BTBD9: variants seen among roughly 807,000 people sequenced by gnomAD.
BTBD9 encodes the protein BTB/POZ domain-containing protein 9.
Under a neutral mutation model 64.3 loss-of-function variants are expected in BTBD9, and 49 were observed. The observed-to-expected ratio is 0.76, with a 90% CI of 0.61 to 0.97. The LOEUF is 0.97. Ranked by LOEUF, BTBD9 falls within the 50% of genes least tolerant of loss-of-function variation. The probability of loss-of-function intolerance (pLI) is 0.00; values close to 1 mark genes in which losing one functional copy is unlikely to be tolerated. For missense variants in BTBD9, 598 were observed against 762.1 expected, an observed-to-expected ratio of 0.78 and a Z score of 2.53; for synonymous variants, 260 against 274.7, an observed-to-expected ratio of 0.95 and a Z score of 0.53.
At chr6:38,544,643 T>G (rs1774444596) in intron 6 of BTBD9, among the ~76,000 whole-genome samples, 1 of 151,688 alleles carries the variant, frequency 6.6e-6, no homozygotes, top group Non-Finnish European at 1.5e-5. Flanking sequence ...GATGAGGGTG[T>G]GGGCCAGGCT....
intron 6 of BTBD9, among the ~76,000 whole-genome samples, chr6:38,378,552 A>G (rs185347317): frequency 6.6e-6 from 1 of 151,278 alleles, no homozygotes; most frequent in African/African-American, 2.4e-5. Flanking sequence ...AAACACTTAA[A>G]CTTAAATTCT....
At chr6:38,615,774 A>G (rs568135090) in intron 1 of BTBD9, among the ~76,000 whole-genome samples, 1 of 152,326 alleles carries the variant, frequency 6.6e-6, no homozygotes, top group Non-Finnish European at 1.5e-5. Context: ...TGCCTAGAAA[A>G]GTACCTGGCA....
At chr6:38,454,414 G>GT (rs1769695796) in intron 6 of BTBD9, among the ~76,000 whole-genome samples, 1 of 151,164 alleles carries the variant, frequency 6.6e-6, no homozygotes, top group Admixed American at 6.6e-5. Context: ...TTTCACAGTG[G>GT]TTTTTAAGAA....
chr6:38,399,183 G>T (rs1055848534), intron 6 of BTBD9, among the ~76,000 whole-genome samples: 11 of 152,056 alleles, frequency 7.2e-5, no homozygotes, highest in Non-Finnish European at 4.4e-5. Flanking sequence ...GCTTTTCAAT[G>T]GACTACATCT....
At chr6:38,377,987 A>C (rs9349076) in intron 6 of BTBD9, among the ~76,000 whole-genome samples, 7 of 151,914 alleles carry the variant, frequency 4.6e-5, no homozygotes, top group Non-Finnish European at 1.0e-4. Flanking sequence ...ATCCTGCTCT[A>C]CTCACCCTTC....
intron 6 of BTBD9, among the ~76,000 whole-genome samples, chr6:38,505,096 C>T (rs1357765447): frequency 1.3e-5 from 2 of 152,182 alleles, no homozygotes; most frequent in East Asian, 3.8e-4. Flanking sequence ...TTCCTCCTCC[C>T]TCATAAGCTG....
In BTBD9 at chr6:38,170,893, G is replaced by A. The variant is rs898780854; in HGVS notation, c.*4092C>T. On this transcript the variant is annotated 3_prime_UTR_variant, in exon 11 of 11. Coordinates refer to ENST00000481247, the MANE Select transcript of BTBD9 (RefSeq NM_001099272.2). ...GCCCTGCCCGGGCCGTGCCCGACCT[G>A]GGCATCGCTCGGAGGAGCTGGTCAC... 2 of 152,238 alleles carry A rather than the reference G, an allele frequency of 1.3e-5. No individual in the cohort carries two copies. The highest frequency in any genetic ancestry group is 4.8e-5 in the African/African-American group (2 of 41,458). The allele number at this position is 152,238 out of a possible 1,614,324, so 9.4% of individuals were successfully genotyped here. A position where few individuals can be genotyped will look rare whatever the true frequency, so the allele number is the denominator to read the frequency against.
chr6:38,466,720 C>T (rs561951806), intron 6 of BTBD9, among the ~76,000 whole-genome samples: 2 of 152,042 alleles, frequency 1.3e-5, no homozygotes, highest in South Asian at 2.1e-4. Context: ...TGGGGTTACA[C>T]GTGCCCACCA....
intron 1 of BTBD9, among the ~76,000 whole-genome samples, chr6:38,607,156 G>A (rs563530962): frequency 8.5e-5 from 13 of 152,228 alleles, no homozygotes; most frequent in Non-Finnish European, 1.9e-4. Context: ...GAACTGCAAT[G>A]TACAATCTAG....
At chr6:38,460,206 T>A (rs559830759) in intron 6 of BTBD9, among the ~76,000 whole-genome samples, 1 of 152,334 alleles carries the variant, frequency 6.6e-6, no homozygotes, top group South Asian at 2.1e-4. Flanking sequence ...AATGTAAACA[T>A]CACATTTCTG....
At chr6:38,198,289 C>T (rs979136141) in intron 9 of BTBD9, among the ~76,000 whole-genome samples, 18 of 152,126 alleles carry the variant, frequency 1.2e-4, no homozygotes, top group African/African-American at 3.6e-4. Flanking sequence ...CCTGCAGTAG[C>T]AGTGTGGATC....
At chr6:38,371,527 G>A (rs112710564) in intron 6 of BTBD9, among the ~76,000 whole-genome samples, 2 of 152,288 alleles carry the variant, frequency 1.3e-5, no homozygotes, top group African/African-American at 2.4e-5. Flanking sequence ...ACACAGCCCT[G>A]TGCAGAGGCA....
intron 6 of BTBD9, among the ~76,000 whole-genome samples, chr6:38,542,067 T>G (rs1464576680): frequency 6.6e-6 from 1 of 152,140 alleles, no homozygotes; most frequent in African/African-American, 2.4e-5. Context: ...ACTCTACAGC[T>G]GGACAGGTGG....
intron 6 of BTBD9, among the ~76,000 whole-genome samples, chr6:38,367,826 A>C (rs1041829437): frequency 7.6e-6 from 1 of 131,380 alleles, no homozygotes; most frequent in Non-Finnish European, 1.6e-5. Flanking sequence ...AAAAAAAAAA[A>C]AAAAACCATC....
intron 7 of BTBD9, among the ~76,000 whole-genome samples, chr6:38,296,827 T>C (rs1045129205): frequency 6.6e-6 from 1 of 152,220 alleles, no homozygotes; most frequent in African/African-American, 2.4e-5. Flanking sequence ...TTTCTGTTAC[T>C]GATTTTTAAT....
chr6:38,352,673 C>G (rs1324392847), intron 6 of BTBD9, among the ~76,000 whole-genome samples: 1 of 152,176 alleles, frequency 6.6e-6, no homozygotes, highest in Non-Finnish European at 1.5e-5. Flanking sequence ...GAGCTTATTA[C>G]CTATTCACAT....
intron 6 of BTBD9, among the ~76,000 whole-genome samples, chr6:38,428,383 A>G (rs987974681): frequency 2.0e-5 from 3 of 151,764 alleles, no homozygotes; most frequent in Non-Finnish European, 2.9e-5. Context: ...CACTTGCTCT[A>G]TTAATGCCCC....
rs1412698853 is a variant in BTBD9 at position 38,448,313 on chromosome 6, A to AAAGAATGC, written c.1155-103228_1155-103221dup. On this transcript the variant is annotated intron_variant, in intron 6 of 10. Coordinates refer to ENST00000481247, the MANE Select transcript of BTBD9 (RefSeq NM_001099272.2). ...TAAAAGAAAGAGAAGGAGAGGGGAG[A>AAAGAATGC]AAGAATGCAATGTAAGAGGGAAGGT... is the stretch of plus-strand genomic sequence containing the variant. Among the ~76,000 whole-genome samples, 3 of 152,348 alleles carry AAAGAATGC rather than the reference A, an allele frequency of 2.0e-5. No homozygotes were observed. In the East Asian group the frequency reaches 5.8e-4, roughly 29 times the overall value.
rs1214738159 is a variant in BTBD9, at chr6:38,436,170, T to G, written c.1155-91077A>C. Among the ~76,000 whole-genome samples, 4 of 151,896 alleles carry G rather than the reference T, an allele frequency of 2.6e-5. No individual in the cohort carries two copies. The East Asian group carries it at 7.7e-4, about 29-fold the overall frequency. ...ATTTCAATAAACGTAAAAAATGAAG[T>G]TAAGAGGTAAAGATTCCTGCCCATA... On this transcript the variant is annotated intron_variant, in intron 6 of 10. Transcript: ENST00000481247.
Sources: allele counts gnomAD v4.1 joint callset (sites outside exome capture counted in the v4.1 genomes callset), GRCh38; gene constraint gnomAD v4.1.1; transcripts MANE v1.5; gene names NCBI Gene and HGNC (gene_info 2026-07-23, HGNC 2026-07-21).